Variants in SC5D observed in about 807,000 individuals in gnomAD.
SC5D encodes lathosterol oxidase.
Under a neutral mutation model 23.9 loss-of-function variants are expected in SC5D, and 21 were observed. The observed-to-expected ratio is 0.88, with a 90% CI of 0.62 to 1.26. The LOEUF (loss-of-function observed/expected upper bound fraction) is 1.26, where lower values mean the gene tolerates loss of function less well. SC5D is among the 50% of genes most tolerant of loss of function. The pLI is 0.00. For synonymous variants in SC5D, 113 were observed against 125.9 expected (o/e 0.90, Z 0.68); for missense variants, 309 against 364.8 (o/e 0.85, Z 1.25).
chr11:121,296,926 G>A (rs573330049), intron 1 of SC5D, among the ~76,000 whole-genome samples: 1 of 152,250 alleles, frequency 6.6e-6, no homozygotes, highest in East Asian at 1.9e-4. Context: ...TAAAAACTCA[G>A]TGGGAAAACG....
chr11:121,298,390 T>A (rs1947903980), intron 1 of SC5D, among the ~76,000 whole-genome samples: 1 of 152,222 alleles, frequency 6.6e-6, no homozygotes, highest in African/African-American at 2.4e-5. Flanking sequence ...AAACTTCCTT[T>A]AAGAGTTCAG....
chr11:121,304,598 C>G, intron 3 of SC5D, 105 bp downstream of exon 3: 4 of 963,848 alleles, frequency 4.2e-6, no homozygotes, highest in Non-Finnish European at 6.5e-6. Context: ...AAAATAATTA[C>G]AAATTATTCA....
chr11:121,303,323 A>G (rs1016505357), intron 1 of SC5D, 43 bp from the exon 2 acceptor site: 57 of 1,574,332 alleles, frequency 3.6e-5, no homozygotes, highest in Non-Finnish European at 4.9e-5. Flanking sequence ...GCCTGGAAAA[A>G]TAGAGACATG....
At chr11:121,304,181 A>G in intron 2 of SC5D, 180 bp from the exon 3 acceptor site, 1 of 592,942 alleles carries the variant, frequency 1.7e-6, no homozygotes, top group East Asian at 3.0e-5. Context: ...TTTTCTCAGT[A>G]CAAAAGGAAT....
intron 1 of SC5D, among the ~76,000 whole-genome samples, chr11:121,296,530 C>T (rs1947890752): frequency 6.6e-6 from 1 of 152,192 alleles, no homozygotes; most frequent in Non-Finnish European, 1.5e-5. Flanking sequence ...ATATCATATT[C>T]ACTAGGAAGC....
intron 1 of SC5D, among the ~76,000 whole-genome samples, chr11:121,297,129 C>G (rs1947894961): frequency 6.6e-6 from 1 of 152,214 alleles, no homozygotes; most frequent in Non-Finnish European, 1.5e-5. Flanking sequence ...AGGTAAGGTA[C>G]TGTCCTACAT....
chr11:121,306,136 T>G (rs957880026), intron 3 of SC5D: 36 of 458,810 alleles, frequency 7.8e-5, no homozygotes, highest in Admixed American at 2.5e-4. Context: ...GTCTCACAAA[T>G]ATCTTTATAG....
chr11:121,293,355 G>C (rs1314456634), intron 1 of SC5D, among the ~76,000 whole-genome samples: 1 of 152,212 alleles, frequency 6.6e-6, no homozygotes, highest in East Asian at 1.9e-4. Flanking sequence ...GTTCTGGGAG[G>C]GTTTTTTTCT....
Position 121,303,951 on chromosome 11 carries a change from G to C in SC5D, c.210+366G>C, listed in dbSNP as rs890124593. 1.2e-5 allele frequency: 3 copies of C among 260,192 alleles called. No homozygotes were observed. The Admixed American group carries it at 1.5e-4, about 13-fold the overall frequency. The allele number at this position is 260,192 out of a possible 1,614,324, so 16.1% of individuals were successfully genotyped here. ...TGTTTTGTTTTTTGGCTAGATAGGG[G>C]ATTCAAACTCAGTAGTTTTAAAGTT... On this transcript the variant is annotated intron_variant, in intron 2 of 4. Transcript: ENST00000264027.
chr11:121,303,544 G>C lies in SC5D; in HGVS notation c.169G>C (p.Val57Leu), dbSNP rs558820432. The change falls in exon 2 of 5, where the codon GTC (valine) becomes CTC (leucine). Residue 57 changes from valine (V) to leucine (L), a missense_variant. By Grantham distance (32) the Val-to-Leu change is conservative. Coordinates refer to ENST00000264027, the MANE Select transcript of SC5D (RefSeq NM_006918.5). ...FFCATLSYYF[V>L]FDHALMKHPQ... ...CTGTGCAACACTGAGCTATTATTTT[G>C]TCTTCGATCATGCATTAATGAAACA... is the stretch of plus-strand genomic sequence containing the variant. The C allele has an allele frequency of 6.5e-5, 105 of 1,613,638 alleles. No individual in the cohort carries two copies. Among genetic ancestry groups the C allele is most frequent in the Non-Finnish European group, 8.1e-5 (96 of 1,179,860 alleles).
intron 1 of SC5D, among the ~76,000 whole-genome samples, chr11:121,298,678 G>A (rs1378094944): frequency 6.6e-6 from 1 of 152,136 alleles, no homozygotes; most frequent in African/African-American, 2.4e-5. Context: ...TTGGGTGATG[G>A]GGACATTGCT....
At chr11:121,296,343 T>C (rs183228286) in intron 1 of SC5D, among the ~76,000 whole-genome samples, 61 of 152,286 alleles carry the variant, frequency 4.0e-4, no homozygotes, top group Admixed American at 1.4e-3. Context: ...TACAAGTCCA[T>C]CCCCTAACAT....
At position 121,306,474 on chromosome 11, in the gene SC5D, A is replaced by G. The variant is rs1947965521; in HGVS notation, c.432A>G (p.Arg144=). 2 of 1,475,392 alleles carry G rather than the reference A, an allele frequency of 1.4e-6. No homozygotes were observed. The highest frequency in any genetic ancestry group is 1.9e-6 in the Non-Finnish European group (2 of 1,053,538). The allele number at this position is 1,475,392 out of a possible 1,614,324, so 91.4% of individuals were successfully genotyped here. ...IYWIHRGLHH[R]LVYKRLHKPH... is the part of the protein sequence containing the mutation. ...GGATTCACAGAGGCCTTCATCATAG[A>G]CTGGTATATAAGGTAAAGTCATTTG... The change falls in exon 4 of 5, where the codon AGA becomes AGG. Residue 144 remains arginine, a synonymous_variant. Coordinates refer to ENST00000264027, the MANE Select transcript of SC5D (RefSeq NM_006918.5).
Position 121,307,059 on chromosome 11 carries a change from C to G in SC5D, c.447C>G (p.Arg149=). The G allele has an allele frequency of 6.2e-7, 1 of 1,613,870 alleles. No individual in the cohort carries two copies. The highest frequency in any genetic ancestry group is 8.5e-7 in the Non-Finnish European group (1 of 1,179,792). The change falls in exon 5 of 5, where the codon CGC becomes CGG. Residue 149 remains arginine (R), a splice_region_variant and synonymous_variant. Transcript: ENST00000264027. ...AATTGTGTCCTTTTCTCCTGCAGCG[C>G]CTACATAAACCTCACCATATTTGGA... The part of the protein sequence containing the change: ...RGLHHRLVYK[R]LHKPHHIWKI...
intron 1 of SC5D, among the ~76,000 whole-genome samples, chr11:121,302,518 C>T (rs1565568541): frequency 1.3e-5 from 2 of 152,112 alleles, no homozygotes; most frequent in East Asian, 1.9e-4. Context: ...AGAGTTTAAG[C>T]ATCTGAAACA....
chr11:121,305,526 A>C (rs1018348707), intron 3 of SC5D: 4 of 152,220 alleles, frequency 2.6e-5, no homozygotes, highest in Non-Finnish European at 5.9e-5. Context: ...CAGGAGTATG[A>C]GACCATCCTG....
Position 121,307,073 on chromosome 11 carries a change from A to G in SC5D, c.461A>G (p.His154Arg). ...CTCCTGCAGCGCCTACATAAACCTCACCATATTTGGAAGATTCCTACTCCA... is the reference window on the plus strand; with the variant it reads ...CTCCTGCAGCGCCTACATAAACCTCGCCATATTTGGAAGATTCCTACTCCA... ...RLVYKRLHKP[H>R]HIWKIPTPFA... Residue 154 changes from histidine to arginine, a missense_variant, in exon 5 of 5, where the codon CAC becomes CGC. Coordinates refer to ENST00000264027, the MANE Select transcript of SC5D (RefSeq NM_006918.5). 1.2e-6 allele frequency: 2 copies of G among 1,614,012 alleles called. No homozygotes were observed. The highest frequency in any genetic ancestry group is 1.1e-5 in the South Asian group (1 of 91,076).
chr11:121,305,998 A>G (rs1947961543), intron 3 of SC5D: 2 of 244,782 alleles, frequency 8.2e-6, no homozygotes, highest in African/African-American at 4.6e-5. Context: ...TGCTAAATTT[A>G]AAGTATTTAG....
Position 121,307,528 on chromosome 11 carries a change from T to G in SC5D, c.*16T>G, listed in dbSNP as rs751861611. ...GACTGAATAGATTATTGCCCAGTTA[T>G]TCTTAAGTAAGGACAAAGAAGGAAA... On this transcript the variant is annotated 3_prime_UTR_variant, in exon 5 of 5. Coordinates refer to ENST00000264027, the MANE Select transcript of SC5D (RefSeq NM_006918.5). 6.6e-7 allele frequency: 1 copy of G among 1,517,300 alleles called. No homozygotes were observed. Among genetic ancestry groups the G allele is most frequent in the South Asian group, 1.2e-5 (1 of 85,198 alleles). 94.0% of individuals were successfully genotyped at this position (1,517,300 alleles called of 1,614,324 possible). A position where few individuals can be genotyped will look rare whatever the true frequency, so the allele number is the denominator to read the frequency against.
Sources: allele counts gnomAD v4.1 joint callset (sites outside exome capture counted in the v4.1 genomes callset), GRCh38; gene constraint gnomAD v4.1.1; transcripts MANE v1.5; gene names NCBI Gene and HGNC (gene_info 2026-07-23, HGNC 2026-07-21).